RHBDL3: variants seen among roughly 807,000 people sequenced by gnomAD.
RHBDL3 encodes the protein rhomboid-related protein 3.
Under a neutral mutation model 48.2 loss-of-function variants are expected in RHBDL3, and 28 were observed. That is an observed-to-expected ratio of 0.58 (90% CI 0.43 to 0.80). The LOEUF (loss-of-function observed/expected upper bound fraction) is 0.80, where lower values mean the gene tolerates loss of function less well. RHBDL3 is among the 30% of genes least tolerant of loss of function. RHBDL3 has a pLI of 0.00. For synonymous variants in RHBDL3, 208 were observed against 232.3 expected, an observed-to-expected ratio of 0.90 and a Z score of 0.95; for missense variants, 464 against 542.7, an observed-to-expected ratio of 0.85 and a Z score of 1.44.
chr17:32,298,313 A>C, intron 6 of RHBDL3, 109 bp downstream of exon 6: 2 of 658,308 alleles, frequency 3.0e-6, no homozygotes, highest in Non-Finnish European at 5.3e-6. Context: ...GAAGATCCTC[A>C]TCTCCAAGGC....
At chr17:32,314,703 C>T (rs1472867284) in intron 7 of RHBDL3, among the ~76,000 whole-genome samples, 2 of 152,154 alleles carry the variant, frequency 1.3e-5, no homozygotes, top group Non-Finnish European at 2.9e-5. Context: ...AGATGATTCC[C>T]AAGTTTCCTC....
At chr17:32,271,904 C>T (rs1228441589) in intron 2 of RHBDL3, among the ~76,000 whole-genome samples, 1 of 152,164 alleles carries the variant, frequency 6.6e-6, no homozygotes, top group Non-Finnish European at 1.5e-5. Context: ...ACATGTGCTA[C>T]GATGAACAGA....
intron 3 of RHBDL3, 106 bp from the exon 4 acceptor site, chr17:32,288,686 A>C: frequency 1.4e-6 from 1 of 731,426 alleles, no homozygotes; most frequent in Non-Finnish European, 2.3e-6. Context: ...GGAGAAAGGG[A>C]AATGCGGGGT....
chr17:32,301,005 G>T (rs2040569539), intron 6 of RHBDL3, among the ~76,000 whole-genome samples: 1 of 152,024 alleles, frequency 6.6e-6, no homozygotes. Flanking sequence ...TCAGCCTCCT[G>T]AATAGCTGGG....
intron 2 of RHBDL3, among the ~76,000 whole-genome samples, chr17:32,277,982 C>T (rs992365001): frequency 6.6e-6 from 1 of 152,162 alleles, no homozygotes; most frequent in East Asian, 1.9e-4. Flanking sequence ...ACCTGGTATT[C>T]CACAGAACAC....
At chr17:32,306,637 G>A (rs1356448434) in intron 7 of RHBDL3, among the ~76,000 whole-genome samples, 2 of 151,968 alleles carry the variant, frequency 1.3e-5, no homozygotes, top group Admixed American at 6.5e-5. Flanking sequence ...AATGGAATGG[G>A]AGCTGGGCAC....
At chr17:32,302,531 GTATATA>G (rs141019006) in intron 6 of RHBDL3, among the ~76,000 whole-genome samples, 1 of 122,460 alleles carries the variant, frequency 8.2e-6, no homozygotes. Flanking sequence ...GCTAATTTTT[GTATATA>G]TATATATATA....
At chr17:32,287,500 G>A (rs905722889) in intron 3 of RHBDL3, among the ~76,000 whole-genome samples, 3 of 152,172 alleles carry the variant, frequency 2.0e-5, no homozygotes, top group Non-Finnish European at 2.9e-5. Flanking sequence ...TGGAGGGGGC[G>A]AGCTTTAAGC....
At chr17:32,306,998 A>G (rs2040726358) in intron 7 of RHBDL3, among the ~76,000 whole-genome samples, 1 of 152,218 alleles carries the variant, frequency 6.6e-6, no homozygotes, top group Non-Finnish European at 1.5e-5. Context: ...ACCTATATAA[A>G]TGTAAATTTA....
chr17:32,271,138 T>C (rs776197219), intron 2 of RHBDL3, among the ~76,000 whole-genome samples: 1 of 152,236 alleles, frequency 6.6e-6, no homozygotes, highest in Non-Finnish European at 1.5e-5. Context: ...AGACCTGAGA[T>C]AGTTTTCGTA....
chr17:32,282,645 C>T (rs556791828), intron 2 of RHBDL3, among the ~76,000 whole-genome samples: 190 of 151,962 alleles, frequency 1.3e-3, no homozygotes, highest in Non-Finnish European at 1.9e-3. Context: ...TTTTTTGAGA[C>T]GGAGTCTCAC....
rs1296515700 is a variant in RHBDL3 at position 32,321,705 on chromosome 17, T to A, written c.*476T>A. On this transcript the variant is annotated 3_prime_UTR_variant, in exon 9 of 9. Transcript: ENST00000269051. The stretch of plus-strand genomic sequence containing the variant: ...GGCCATGTGGTGTCTCCTTGACACC[T>A]GCTGTGTCTGGGGCTCCAGTAAGAA... 3.8e-6 allele frequency: 1 copy of A among 262,244 alleles called. No individual in the cohort carries two copies. Among genetic ancestry groups the A allele is most frequent in the Non-Finnish European group, 7.5e-6 (1 of 132,648 alleles). 16.2% of individuals were successfully genotyped at this position (262,244 alleles called of 1,614,324 possible).
chr17:32,300,853 G>GC (rs1225013653), intron 6 of RHBDL3, among the ~76,000 whole-genome samples: 1 of 151,048 alleles, frequency 6.6e-6, no homozygotes, highest in Non-Finnish European at 1.5e-5. Flanking sequence ...CTAGGGAGGA[G>GC]CCCTTCCCAA....
At chr17:32,269,748 A>C (rs2150686868) in intron 2 of RHBDL3, among the ~76,000 whole-genome samples, 1 of 152,174 alleles carries the variant, frequency 6.6e-6, no homozygotes, top group South Asian at 2.1e-4. Flanking sequence ...AAAGTGTATC[A>C]TTCTTTTTTT....
Position 32,321,491 on chromosome 17 carries a change from G to A in RHBDL3, c.*262G>A. The A allele has an allele frequency of 2.1e-6, 2 of 934,384 alleles. No individual in the cohort carries two copies. Among genetic ancestry groups the A allele is most frequent in the Non-Finnish European group, 3.1e-6 (2 of 644,586 alleles). 57.9% of individuals were successfully genotyped at this position (934,384 alleles called of 1,614,324 possible). On this transcript the variant is annotated 3_prime_UTR_variant, in exon 9 of 9. Coordinates refer to ENST00000269051, the MANE Select transcript of RHBDL3 (RefSeq NM_138328.3). ...GGGCCAGGGTGAAGGTCTGGGGTGG[G>A]GTGTGAGAGTGGCCCTCCCTCACCT...
chr17:32,279,313 G>C (rs996996687), intron 2 of RHBDL3, among the ~76,000 whole-genome samples: 1 of 152,198 alleles, frequency 6.6e-6, no homozygotes, highest in African/African-American at 2.4e-5. Flanking sequence ...CAGAAGGCCA[G>C]CACATAAACT....
At chr17:32,299,429 G>A (rs755541962) in intron 6 of RHBDL3, among the ~76,000 whole-genome samples, 2 of 152,116 alleles carry the variant, frequency 1.3e-5, no homozygotes, top group Admixed American at 6.5e-5. Flanking sequence ...GGCTCACCAC[G>A]TCCTTGAATA....
chr17:32,291,021 A>AG (rs1555587448), intron 4 of RHBDL3, among the ~76,000 whole-genome samples: 1 of 149,852 alleles, frequency 6.7e-6, no homozygotes, highest in African/African-American at 2.5e-5. Flanking sequence ...AAAAAAAAAA[A>AG]GGAAAAGAAA....
intron 6 of RHBDL3, among the ~76,000 whole-genome samples, chr17:32,302,403 C>A (rs571026856): frequency 3.4e-4 from 51 of 151,998 alleles, no homozygotes; most frequent in Non-Finnish European, 6.5e-4. Context: ...GTCATCCAGG[C>A]TGGAGTGTAG....
Sources: gnomAD v4.1 joint callset for allele counts (sites outside exome capture counted in the v4.1 genomes callset) on GRCh38, gnomAD v4.1.1 for gene constraint, MANE v1.5 for transcripts, NCBI Gene and HGNC (gene_info 2026-07-23, HGNC 2026-07-21) for gene names.